The following DAPK1 variants were observed in gnomAD, a reference collection of about 807,000 sequenced individuals.
DAPK1 encodes death associated protein kinase 1.
Under a neutral mutation model 144.9 loss-of-function variants are expected in DAPK1, and 56 were observed. The ratio of observed to expected loss-of-function variants is 0.39; its 90% CI spans 0.31 to 0.48. The LOEUF is 0.48. Among genes scored for constraint, DAPK1 ranks in the 20% least tolerant of loss-of-function variants. The pLI, the probability that DAPK1 is intolerant of heterozygous loss-of-function variation, is 0.95. For missense variants in DAPK1, 1,454 were observed against 1,875.4 expected (o/e 0.78, Z 4.15); for synonymous variants, 690 against 749.0 (o/e 0.92, Z 1.29).
intron 10 of DAPK1, among the ~76,000 whole-genome samples, chr9:87,642,517 C>A (rs1330488920): frequency 6.6e-6 from 1 of 152,048 alleles, no homozygotes; most frequent in Admixed American, 6.6e-5. Flanking sequence ...GGCCTGTTCT[C>A]CTTCCTCAGT....
At chr9:87,564,604 G>A (rs1414420010) in intron 2 of DAPK1, among the ~76,000 whole-genome samples, 1 of 151,246 alleles carries the variant, frequency 6.6e-6, no homozygotes, top group East Asian at 2.0e-4. Context: ...GAGAGAGAGA[G>A]AGAGAGGAGG....
At chr9:87,599,294 C>T (rs1440268186) in intron 2 of DAPK1, among the ~76,000 whole-genome samples, 3 of 152,096 alleles carry the variant, frequency 2.0e-5, no homozygotes, top group East Asian at 1.9e-4. Context: ...GAAGAGATGA[C>T]GATGTGTATC....
At chr9:87,621,880 A>G (rs1245602839) in intron 3 of DAPK1, among the ~76,000 whole-genome samples, 2 of 152,012 alleles carry the variant, frequency 1.3e-5, no homozygotes, top group African/African-American at 4.8e-5. Context: ...TCACCAATCC[A>G]GTAATCTGCA....
At chr9:87,538,073 G>C (rs1825921384) in intron 2 of DAPK1, among the ~76,000 whole-genome samples, 2 of 152,196 alleles carry the variant, frequency 1.3e-5, no homozygotes, top group African/African-American at 4.8e-5. Context: ...TCTAATTAAA[G>C]TTAAAGCTAC....
intron 25 of DAPK1, among the ~76,000 whole-genome samples, chr9:87,704,108 C>T (rs927557798): frequency 6.6e-6 from 1 of 152,158 alleles, no homozygotes; most frequent in African/African-American, 2.4e-5. Context: ...AAACTGGAGT[C>T]GCCGGGCAGT....
At chr9:87,699,619 A>C (rs1049972581) in intron 23 of DAPK1, among the ~76,000 whole-genome samples, 1 of 152,240 alleles carries the variant, frequency 6.6e-6, no homozygotes. Flanking sequence ...ATAATATGCT[A>C]GTATCTCTGA....
chr9:87,628,475 TC>T (rs1829557514), intron 3 of DAPK1, among the ~76,000 whole-genome samples: 1 of 152,176 alleles, frequency 6.6e-6, no homozygotes, highest in South Asian at 2.1e-4. Context: ...TGTTCCTTCT[TC>T]CCCTTCCTGT....
chr9:87,697,715 A>C (rs994201249), intron 22 of DAPK1, among the ~76,000 whole-genome samples: 4 of 152,194 alleles, frequency 2.6e-5, no homozygotes, highest in Admixed American at 6.5e-5. Context: ...CACTGTGGGA[A>C]GCCAAGGTGG....
At chr9:87,627,990 T>G in intron 3 of DAPK1, among the ~76,000 whole-genome samples, 1 of 152,340 alleles carries the variant, frequency 6.6e-6, no homozygotes, top group East Asian at 1.9e-4. Flanking sequence ...TGAAAGTAAC[T>G]TAACCTCTCT....
chr9:87,641,767 G>A (rs1021250510), intron 9 of DAPK1, among the ~76,000 whole-genome samples: 1 of 152,156 alleles, frequency 6.6e-6, no homozygotes, highest in Non-Finnish European at 1.5e-5. Flanking sequence ...CAGTGTCCAT[G>A]GATGATACGA....
intron 2 of DAPK1, among the ~76,000 whole-genome samples, chr9:87,604,164 G>A (rs1053869884): frequency 3.9e-5 from 6 of 152,034 alleles, no homozygotes; most frequent in South Asian, 2.1e-4. Flanking sequence ...AGTTGGCAGC[G>A]GCTTTGAGGG....
At chr9:87,692,241 C>CT (rs33982268) in intron 21 of DAPK1, among the ~76,000 whole-genome samples, 136 of 148,176 alleles carry the variant, frequency 9.2e-4, no homozygotes, top group Non-Finnish European at 7.8e-4. Flanking sequence ...TAATGACCTT[C>CT]TTTTTTTTTT....
chr9:87,502,354 T>C (rs541193295), intron 2 of DAPK1, among the ~76,000 whole-genome samples: 33 of 152,292 alleles, frequency 2.2e-4, no homozygotes, highest in Non-Finnish European at 4.4e-4. Flanking sequence ...TCTCACCCTC[T>C]GTCCCAGGAG....
chr9:87,589,957 T>C (rs1009807699), intron 2 of DAPK1, among the ~76,000 whole-genome samples: 2 of 152,200 alleles, frequency 1.3e-5, no homozygotes, highest in African/African-American at 4.8e-5. Flanking sequence ...ATCAAAACAC[T>C]TTTAAAATCT....
chr9:87,696,935 C>T (rs761130762), intron 21 of DAPK1, 72 bp from the exon 22 acceptor site: 19 of 823,770 alleles, frequency 2.3e-5, no homozygotes, highest in East Asian at 2.4e-5. Context: ...ATCCGTGGAA[C>T]GCTAAGAGAA....
intron 24 of DAPK1, among the ~76,000 whole-genome samples, chr9:87,700,789 C>T (rs1340108343): frequency 1.3e-5 from 2 of 152,102 alleles, no homozygotes; most frequent in Non-Finnish European, 2.9e-5. Context: ...GTGTGAGCCA[C>T]CATGCCTGGC....
In DAPK1 at chr9:87,640,501, A is replaced by G. The variant is rs2119134206; in HGVS notation, c.782+51A>G. 1.9e-6 allele frequency: 3 copies of G among 1,588,264 alleles called. No homozygotes were observed. The East Asian group carries it at 6.7e-5, about 35-fold the overall frequency. On this transcript the variant is annotated intron_variant, in intron 8 of 25. Transcript: ENST00000408954. ...GCTTGGCCACGGCCTCAGCCAGCCC[A>G]GAGCCTGTGTCTGTTCCATGCACAG...
chr9:87,552,943 A>C (rs779491356), intron 2 of DAPK1, among the ~76,000 whole-genome samples: 1 of 152,118 alleles, frequency 6.6e-6, no homozygotes, highest in African/African-American at 2.4e-5. Flanking sequence ...GTTCAGTGGC[A>C]GTAAGAACAT....
At position 87,707,650 on chromosome 9, in the gene DAPK1, A is replaced by C; in HGVS notation, c.*286A>C. ...CTCAGTGTTTTGGACTCCATCTCTC[A>C]TCCTCCAGTACCTTGCTTCTTACTG... is the stretch of plus-strand genomic sequence containing the variant. On this transcript the variant is annotated 3_prime_UTR_variant, in exon 26 of 26. Transcript: ENST00000408954. The surrounding 1 kb of genome is among the most constrained non-coding windows in gnomAD (Gnocchi z 4.0). 1 of 504,320 alleles carries C rather than the reference A, an allele frequency of 2.0e-6. No individual in the cohort carries two copies. Among genetic ancestry groups the C allele is most frequent in the Admixed American group, 3.3e-5 (1 of 30,654 alleles). The allele number at this position is 504,320 out of a possible 1,614,324, so 31.2% of individuals were successfully genotyped here. A position where few individuals can be genotyped will look rare whatever the true frequency, so the allele number is the denominator to read the frequency against.
Sources: gnomAD v4.1 joint callset for allele counts (sites outside exome capture counted in the v4.1 genomes callset) on GRCh38, gnomAD v4.1.1 for gene constraint, Gnocchi (gnomAD v3.1) non-coding constraint, MANE v1.5 for transcripts, NCBI Gene and HGNC (gene_info 2026-07-23, HGNC 2026-07-21) for gene names.